FAM209A: variants seen among roughly 807,000 people sequenced by gnomAD.
FAM209A encodes family with sequence similarity 209 member A, also known as protein FAM209A.
Under a neutral mutation model 9.8 loss-of-function variants are expected in FAM209A, and 4 were observed. The observed-to-expected ratio is 0.41, with a 90% CI of 0.20 to 0.94. The LOEUF (loss-of-function observed/expected upper bound fraction) is 0.94, where lower values mean the gene tolerates loss of function less well. FAM209A is among the 40% of genes least tolerant of loss of function. The pLI, the probability that FAM209A is intolerant of heterozygous loss-of-function variation, is 0.32. For missense variants in FAM209A, 205 were observed against 209.4 expected (o/e 0.98, Z 0.13); for synonymous variants, 55 against 77.8 (o/e 0.71, Z 1.54).
chr20:56,525,393 C>A (rs1180384408), intron 1 of FAM209A, among the ~76,000 whole-genome samples: 1 of 152,196 alleles, frequency 6.6e-6, no homozygotes, highest in East Asian at 1.9e-4. Flanking sequence ...TCACTAGCCC[C>A]TGTTTTTTAA....
Sources: allele counts gnomAD v4.1 joint callset (sites outside exome capture counted in the v4.1 genomes callset), GRCh38; gene constraint gnomAD v4.1.1; transcripts MANE v1.5; gene names NCBI Gene and HGNC (gene_info 2026-07-23, HGNC 2026-07-21).